Variants in FAS observed in about 807,000 individuals in gnomAD.
FAS encodes the protein Fas cell surface death receptor, also known as tumor necrosis factor receptor superfamily member 6.
A neutral mutation model predicts 33.2 loss-of-function variants in FAS; 5 were observed. The observed-to-expected ratio is 0.15, with a 90% confidence interval of 0.08 to 0.32. The LOEUF is 0.32. FAS is among the 10% of genes least tolerant of loss of function. FAS has a pLI of 1.00. For missense variants in FAS, 339 were observed against 386.0 expected, an observed-to-expected ratio of 0.88 and a Z score of 1.02; for synonymous variants, 131 against 130.7, an observed-to-expected ratio of 1.00 and a Z score of -0.01.
At position 89,015,037 on chromosome 10, in the gene FAS, T is replaced by C. The variant is rs1362473893; in HGVS notation, c.*587T>C. 1 of 533,898 alleles carries C rather than the reference T, an allele frequency of 1.9e-6. No homozygotes were observed. The highest frequency in any genetic ancestry group is 1.9e-5 in the African/African-American group (1 of 53,972). 33.1% of individuals were successfully genotyped at this position (533,898 alleles called of 1,614,324 possible). ...AAGACCTTTGCACAGTTTATTGGTG[T>C]CATATTATACAATATTTCAATTGTG... On this transcript the variant is annotated 3_prime_UTR_variant, in exon 9 of 9. Coordinates refer to ENST00000652046, the MANE Select transcript of FAS (RefSeq NM_000043.6).
upstream of FAS, among the ~76,000 whole-genome samples, chr10:88,989,848 A>T (rs1334304064): frequency 6.6e-6 from 1 of 152,224 alleles, no homozygotes; most frequent in East Asian, 1.9e-4. Context: ...TCCAGTCTGG[A>T]ACTGCATCCA....
upstream of FAS, chr10:88,989,618 A>G: frequency 1.9e-6 from 1 of 532,862 alleles, no homozygotes; most frequent in Non-Finnish European, 3.7e-6. Flanking sequence ...GGGTGATGGA[A>G]AGCCCTCAGG....
chr10:88,982,549 T>C (rs1846737087), upstream of FAS, among the ~76,000 whole-genome samples: 1 of 152,188 alleles, frequency 6.6e-6, no homozygotes, highest in Non-Finnish European at 1.5e-5. Context: ...GGGGAATTCA[T>C]GGACATTTAT....
At chr10:89,009,099 A>C (rs1366398018) in intron 4 of FAS, 102 bp downstream of exon 4, 1 of 1,146,372 alleles carries the variant, frequency 8.7e-7, no homozygotes, top group Admixed American at 1.7e-5. Flanking sequence ...TTAGGGTTCT[A>C]GTCCTGCTTT....
chr10:89,008,159 C>T (rs1021148966), intron 3 of FAS, among the ~76,000 whole-genome samples: 3 of 152,098 alleles, frequency 2.0e-5, no homozygotes, highest in Non-Finnish European at 4.4e-5. Flanking sequence ...GGTGCTCGTT[C>T]ATGGCCAGAA....
upstream of FAS, among the ~76,000 whole-genome samples, chr10:88,982,527 G>C (rs937631338): frequency 3.3e-5 from 5 of 152,054 alleles, no homozygotes; most frequent in Non-Finnish European, 7.4e-5. Context: ...AAAAGGCAGA[G>C]ATTCACTGAG....
At chr10:88,969,087 T>G (rs1203429432) in intron 1 of FAS, among the ~76,000 whole-genome samples, 2 of 152,106 alleles carry the variant, frequency 1.3e-5, no homozygotes, top group Non-Finnish European at 2.9e-5. Context: ...CAACTTTGTG[T>G]TTTTTTCTCT....
chr10:88,988,383 G>C (rs1200978321), upstream of FAS, among the ~76,000 whole-genome samples: 1 of 144,358 alleles, frequency 6.9e-6, no homozygotes, highest in Admixed American at 7.0e-5. Context: ...AAGGGGAAAA[G>C]AACAAAAGTC....
chr10:89,007,166 T>C (rs892966597), intron 2 of FAS, among the ~76,000 whole-genome samples: 5 of 152,208 alleles, frequency 3.3e-5, no homozygotes, highest in African/African-American at 9.6e-5. Flanking sequence ...AAACAACACT[T>C]CGTTAAAGAT....
chr10:89,000,913 G>GA (rs397950071), intron 1 of FAS, among the ~76,000 whole-genome samples: 8 of 39,622 alleles, frequency 2.0e-4, no homozygotes, highest in Non-Finnish European at 6.1e-4. Flanking sequence ...CCGTCATAGT[G>GA]TGCATTCCTG....
intron 2 of FAS, among the ~76,000 whole-genome samples, chr10:88,976,869 C>G (rs1289372144): frequency 6.6e-6 from 1 of 152,116 alleles, no homozygotes; most frequent in Non-Finnish European, 1.5e-5. Context: ...ATTATTAGAG[C>G]TTCTTAGAGG....
intron 2 of FAS, among the ~76,000 whole-genome samples, chr10:88,980,623 A>G (rs1297365426): frequency 6.6e-6 from 1 of 152,190 alleles, no homozygotes; most frequent in Non-Finnish European, 1.5e-5. Context: ...ACTCGTAAGT[A>G]TTCGTTTAGT....
chr10:89,015,017 CT>C lies in FAS; in HGVS notation c.*570del. ...TTAAATAAGGCTCTACCTCAAAGAC[CT>C]TTGCACAGTTTATTGGTGTCATATT... On this transcript the variant is annotated 3_prime_UTR_variant, in exon 9 of 9. Transcript: ENST00000652046. 3.7e-6 allele frequency: 2 copies of C among 533,362 alleles called. No individual in the cohort carries two copies. The highest frequency in any genetic ancestry group is 3.1e-5 in the South Asian group (2 of 65,084). 33.0% of individuals were successfully genotyped at this position (533,362 alleles called of 1,614,324 possible). A position where few individuals can be genotyped will look rare whatever the true frequency, so the allele number is the denominator to read the frequency against.
At chr10:88,983,638 A>AACACACACACAC (rs755182708), upstream of FAS, among the ~76,000 whole-genome samples, 1 of 102,882 alleles carries the variant, frequency 9.7e-6, no homozygotes, top group African/African-American at 4.7e-5. Flanking sequence ...AAAAAAAAAA[A>AACACACACACAC]ACACACACAC....
chr10:88,995,178 T>C (rs2133420728), intron 1 of FAS, among the ~76,000 whole-genome samples: 1 of 152,306 alleles, frequency 6.6e-6, no homozygotes, highest in African/African-American at 2.4e-5. Context: ...AAAAAGTCTT[T>C]AGCTTTTTAT....
chr10:88,979,861 C>T (rs1233969614), intron 2 of FAS, among the ~76,000 whole-genome samples: 1 of 152,234 alleles, frequency 6.6e-6, no homozygotes, highest in Non-Finnish European at 1.5e-5. Context: ...CCACACACCT[C>T]CTCACACATG....
chr10:88,975,013 A>G (rs1278394296), intron 2 of FAS: 1 of 152,230 alleles, frequency 6.6e-6, no homozygotes, highest in Non-Finnish European at 1.5e-5. Flanking sequence ...TTGGAAATTC[A>G]GTTAGATGAT....
At chr10:88,990,457 G>A, upstream of FAS, 1 of 511,732 alleles carries the variant, frequency 2.0e-6, no homozygotes, top group South Asian at 1.7e-5. The surrounding 1 kb of genome is among the most constrained non-coding windows in gnomAD (Gnocchi z 4.9). Flanking sequence ...AGCCACTGCA[G>A]GAACGCCCCG....
chr10:88,973,459 C>T, intron 2 of FAS: 1 of 913,822 alleles, frequency 1.1e-6, no homozygotes, highest in South Asian at 2.8e-5. Context: ...TAAAGAAAAA[C>T]ACGTCATTTC....
Sources: gnomAD v4.1 joint callset for allele counts (sites outside exome capture counted in the v4.1 genomes callset) on GRCh38, gnomAD v4.1.1 for gene constraint, Gnocchi (gnomAD v3.1) non-coding constraint, MANE v1.5 for transcripts, NCBI Gene and HGNC (gene_info 2026-07-23, HGNC 2026-07-21) for gene names.